The following ASCC3 variants were observed in gnomAD, a reference collection of about 807,000 sequenced individuals.
ASCC3 encodes activating signal cointegrator 1 complex subunit 3.
A neutral mutation model predicts 256.3 loss-of-function variants in ASCC3; 158 were observed. That is an observed-to-expected ratio of 0.62 (90% CI 0.54 to 0.70). The LOEUF is 0.70. ASCC3 is among the 30% of genes least tolerant of loss of function. The pLI is 0.00. For synonymous variants in ASCC3, 948 were observed against 883.4 expected, an observed-to-expected ratio of 1.07 and a Z score of -1.30; for missense variants, 2,259 against 2,626.0, an observed-to-expected ratio of 0.86 and a Z score of 3.05.
rs1030469486 is a variant in ASCC3 at position 100,605,608 on chromosome 6, A to G, written c.5137T>C (p.Tyr1713His). 3.2e-6 allele frequency: 5 copies of G among 1,576,214 alleles called. No homozygotes were observed. Among genetic ancestry groups the G allele is most frequent in the Non-Finnish European group, 3.5e-6 (4 of 1,146,146 alleles). Reference protein sequence around the residue: ...ILVHDIKKDFYKKFLYEPFPV... With the variant: ...ILVHDIKKDFHKKFLYEPFPV... The stretch of plus-strand genomic sequence containing the variant: ...AAAGGTTCATAAAGAAATTTTTTAT[A>G]AAAGTCTTTCTTTATGTCATGAACT... The change falls in exon 33 of 42, where the codon TAT becomes CAT. Residue 1713 changes from tyrosine to histidine, a missense_variant. By Grantham distance (83) the Tyr-to-His change is moderately conservative. Transcript: ENST00000369162.
rs1011713025 is a variant in ASCC3 at position 100,525,844 on chromosome 6, T to C, written c.5776-7702A>G. On this transcript the variant is annotated intron_variant, in intron 37 of 41. Coordinates refer to ENST00000369162, the MANE Select transcript of ASCC3 (RefSeq NM_006828.4). The stretch of plus-strand genomic sequence containing the variant: ...AGTTTATTTAAAAAAATTACGGAAA[T>C]TGATCCTAGGCAGCTTGTTAAAACA... 2.0e-5 allele frequency among the ~76,000 whole-genome samples: 3 copies of C among 152,140 alleles called. 1 individual carries two copies. The highest frequency in any genetic ancestry group is 2.0e-4 in the Admixed American group (3 of 15,272).
At chr6:100,750,389 G>C (rs1780885104) in intron 10 of ASCC3, among the ~76,000 whole-genome samples, 1 of 151,996 alleles carries the variant, frequency 6.6e-6, no homozygotes, top group South Asian at 2.1e-4. Flanking sequence ...AATCTGATGT[G>C]TCTGAATTAT....
intron 8 of ASCC3, among the ~76,000 whole-genome samples, chr6:100,778,588 C>T (rs1782300328): frequency 6.6e-6 from 1 of 152,132 alleles, no homozygotes; most frequent in South Asian, 2.1e-4. Context: ...ACTACTTACA[C>T]TAGATAAGCA....
At chr6:100,512,651 G>T in intron 40 of ASCC3, 58 bp downstream of exon 40, 1 of 1,496,308 alleles carries the variant, frequency 6.7e-7, no homozygotes, top group Non-Finnish European at 9.3e-7. Context: ...AGATATGTGT[G>T]GTGGTGCATG....
chr6:100,765,802 G>A (rs913344235), intron 10 of ASCC3, among the ~76,000 whole-genome samples: 1 of 152,068 alleles, frequency 6.6e-6, no homozygotes, highest in African/African-American at 2.4e-5. Context: ...TTGCTATGGG[G>A]GCCCTAGGAA....
chr6:100,727,476 C>A (rs1276272225), intron 10 of ASCC3, among the ~76,000 whole-genome samples: 2 of 151,516 alleles, frequency 1.3e-5, no homozygotes, highest in African/African-American at 4.8e-5. Flanking sequence ...TTTTTTCCCC[C>A]ACAAATTACT....
chr6:100,647,444 G>C lies in ASCC3; in HGVS notation c.3260C>G (p.Ala1087Gly), dbSNP rs770519723. ...TTCAAAAAGAGCACGGACAATTCTA[G>C]CTGCATTCTAAAAAATTATAGGAGG... ...SDSAYVAQNA[A>G]RIVRALFEIA... is the part of the protein sequence containing the mutation. The change falls in exon 21 of 42, where the codon GCT becomes GGT. Residue 1087 changes from alanine to glycine, a missense_variant. This residue lies in a region of ASCC3 where 1,839 missense variants were observed against 2,206.7 expected (regional missense o/e 0.83). Coordinates refer to ENST00000369162, the MANE Select transcript of ASCC3 (RefSeq NM_006828.4). The C allele has an allele frequency of 6.2e-7, 1 of 1,613,572 alleles. No homozygotes were observed. The highest frequency in any genetic ancestry group is 8.5e-7 in the Non-Finnish European group (1 of 1,179,566).
At position 100,608,232 on chromosome 6, in the gene ASCC3, CTTTATACTTTATA is replaced by C. The variant is rs1773090851; in HGVS notation, c.4786-1157_4786-1145del. Among the ~76,000 whole-genome samples the C allele has an allele frequency of 9.4e-5, 3 of 31,800 alleles. 1 individual carries two copies. The highest frequency in any genetic ancestry group is 1.6e-4 in the Non-Finnish European group (3 of 18,582). 20.9% of individuals were successfully genotyped at this position (31,800 alleles called of 152,430 possible). ...ATACTTTATATATATACTTTATATA[CTTTATACTTTATA>C]TATATACTTTATATATACTTTATAT... is the stretch of plus-strand genomic sequence containing the variant. On this transcript the variant is annotated intron_variant, in intron 30 of 41. Transcript: ENST00000369162.
intron 17 of ASCC3, among the ~76,000 whole-genome samples, chr6:100,654,121 A>G (rs1775806811): frequency 6.6e-6 from 1 of 152,132 alleles, no homozygotes; most frequent in African/African-American, 2.4e-5. Context: ...CAGCAAATAC[A>G]AAAAGTCTTA....
chr6:100,810,953 G>A (rs184757867), intron 4 of ASCC3, among the ~76,000 whole-genome samples: 73 of 152,198 alleles, frequency 4.8e-4, no homozygotes, highest in Admixed American at 1.3e-3. Flanking sequence ...CAAGATCCAC[G>A]TTTAATCCTC....
At chr6:100,724,452 A>T (rs11758891) in intron 11 of ASCC3, among the ~76,000 whole-genome samples, 46,538 of 151,654 alleles carry the variant, frequency 0.31, 8,819 homozygotes, top group Middle Eastern at 0.5. Flanking sequence ...GTTTAAGGAA[A>T]TTTTTTGGTA....
At chr6:100,782,273 A>G (rs919343269) in intron 8 of ASCC3, among the ~76,000 whole-genome samples, 1 of 152,174 alleles carries the variant, frequency 6.6e-6, no homozygotes, top group Admixed American at 6.5e-5. Flanking sequence ...ATAGAAAAGA[A>G]AAAGGAAATA....
chr6:100,608,145 T>TGTATATATATGTATATATA (rs769880521), intron 30 of ASCC3, among the ~76,000 whole-genome samples: 1 of 110,428 alleles, frequency 9.1e-6, no homozygotes, highest in Non-Finnish European at 1.7e-5. Context: ...TGTATATATA[T>TGTATATATATGTATATATA]CTATATATAC....
At chr6:100,786,261 C>T (rs1294653254) in intron 8 of ASCC3, among the ~76,000 whole-genome samples, 1 of 152,100 alleles carries the variant, frequency 6.6e-6, no homozygotes, top group African/African-American at 2.4e-5. Flanking sequence ...TCAATAGTTA[C>T]ATTCATACAC....
intron 34 of ASCC3, among the ~76,000 whole-genome samples, chr6:100,595,012 T>G (rs1324794207): frequency 6.6e-6 from 1 of 151,726 alleles, no homozygotes; most frequent in East Asian, 1.9e-4. Context: ...CTCATAGAAG[T>G]AGAGGGTAGG....
At chr6:100,821,669 C>T (rs529512944) in intron 4 of ASCC3, among the ~76,000 whole-genome samples, 1 of 151,624 alleles carries the variant, frequency 6.6e-6, no homozygotes, top group Non-Finnish European at 1.5e-5. Context: ...ACTAAAAATA[C>T]AAAAGTTAGC....
intron 4 of ASCC3, among the ~76,000 whole-genome samples, chr6:100,845,933 T>C (rs939123766): frequency 6.6e-6 from 1 of 152,196 alleles, no homozygotes; most frequent in Non-Finnish European, 1.5e-5. Flanking sequence ...ATGCTTTTCT[T>C]AGATTATATG....
chr6:100,664,469 A>G (rs239223), intron 14 of ASCC3, among the ~76,000 whole-genome samples: 85,473 of 151,790 alleles, frequency 0.56, 24,293 homozygotes, highest in East Asian at 0.73. Context: ...CTAGTGGCCA[A>G]CCAAGTAAAT....
At chr6:100,808,772 T>A (rs1770313878) in intron 4 of ASCC3, among the ~76,000 whole-genome samples, 1 of 151,834 alleles carries the variant, frequency 6.6e-6, no homozygotes, top group Non-Finnish European at 1.5e-5. Context: ...ACTAGGTGAT[T>A]TTGTGGGAAC....
Sources: gnomAD v4.1 joint callset for allele counts (sites outside exome capture counted in the v4.1 genomes callset) on GRCh38, gnomAD v4.1.1 for gene constraint, gnomAD v4.1.1 regional missense constraint, MANE v1.5 for transcripts, NCBI Gene and HGNC (gene_info 2026-07-23, HGNC 2026-07-21) for gene names.